The following COL14A1 variants were observed in gnomAD, a reference collection of about 807,000 sequenced individuals.
The protein encoded by COL14A1 is collagen type XIV alpha 1 chain, also known as collagen alpha-1(XIV) chain.
A neutral mutation model predicts 230.3 loss-of-function variants in COL14A1; 136 were observed. The observed-to-expected ratio is 0.59, with a 90% confidence interval of 0.51 to 0.68. The LOEUF (loss-of-function observed/expected upper bound fraction) is 0.68, where lower values mean the gene tolerates loss of function less well. Among genes scored for constraint, COL14A1 ranks in the 30% least tolerant of loss-of-function variants. The pLI is 0.00. For missense variants in COL14A1, 1,976 were observed against 2,215.8 expected, an observed-to-expected ratio of 0.89 and a Z score of 2.17; for synonymous variants, 792 against 784.1, an observed-to-expected ratio of 1.01 and a Z score of -0.17.
At chr8:120,145,745 T>C (rs1311852187) in intron 1 of COL14A1, among the ~76,000 whole-genome samples, 1 of 152,224 alleles carries the variant, frequency 6.6e-6, no homozygotes, top group East Asian at 1.9e-4. Context: ...ATTGTGGTGT[T>C]ATATGTATAA....
intron 1 of COL14A1, among the ~76,000 whole-genome samples, chr8:120,141,127 T>C (rs992629333): frequency 6.6e-6 from 1 of 152,146 alleles, no homozygotes; most frequent in African/African-American, 2.4e-5. Flanking sequence ...GCATTGGGAT[T>C]TTTCTTGCCC....
intron 5 of COL14A1, among the ~76,000 whole-genome samples, chr8:120,193,906 C>T (rs375512023): frequency 1.3e-4 from 20 of 152,260 alleles, no homozygotes; most frequent in African/African-American, 2.2e-4. Flanking sequence ...CTCGGAAAAG[C>T]GCAGTATTAG....
At chr8:120,233,463 G>A (rs1315058699) in intron 19 of COL14A1, among the ~76,000 whole-genome samples, 1 of 95,688 alleles carries the variant, frequency 1.0e-5, no homozygotes, top group Non-Finnish European at 2.0e-5. Flanking sequence ...TTGGTTGCCT[G>A]TTTCTTTTTT....
chr8:120,225,538 A>G (rs1250813086), intron 15 of COL14A1, among the ~76,000 whole-genome samples: 5 of 152,100 alleles, frequency 3.3e-5, no homozygotes, highest in African/African-American at 1.2e-4. Flanking sequence ...TTCCATTCAA[A>G]TGAGTGTGTG....
rs141836492 is a variant in COL14A1 at position 120,357,420 on chromosome 8, A to AAG, written c.5078-9742_5078-9741dup. On this transcript the variant is annotated intron_variant, in intron 45 of 47. Coordinates refer to ENST00000297848, the MANE Select transcript of COL14A1 (RefSeq NM_021110.4). ...CTGCTTTCCTCAGAGCCACTGATCC[A>AAG]AGAGAGAGAGCAGAGGAGTTCCCAT... is the stretch of plus-strand genomic sequence containing the variant. 9.4e-3 allele frequency among the ~76,000 whole-genome samples: 1,423 copies of AAG among 152,176 alleles called. 24 individuals carry two copies. Among genetic ancestry groups the AAG allele is most frequent in the African/African-American group, 0.031 (1,288 of 41,512 alleles).
chr8:120,231,686 G>T, intron 19 of COL14A1, 68 bp downstream of exon 19: 1 of 1,492,952 alleles, frequency 6.7e-7, no homozygotes. Flanking sequence ...GACTGTCTTC[G>T]GAGATCAATG....
chr8:120,165,069 G>A (rs993712174), intron 4 of COL14A1, among the ~76,000 whole-genome samples: 3 of 152,218 alleles, frequency 2.0e-5, no homozygotes, highest in African/African-American at 7.2e-5. Flanking sequence ...ATATGCAAGC[G>A]TGTATGTTTT....
chr8:120,228,583 C>T (rs1431031415), intron 17 of COL14A1, 127 bp from the exon 18 acceptor site: 1 of 686,850 alleles, frequency 1.5e-6, no homozygotes, highest in South Asian at 1.9e-5. Flanking sequence ...GTCTTCTAAC[C>T]ATTGTCATGT....
At position 120,253,804 on chromosome 8, in the gene COL14A1, A is replaced by C. The variant is rs866301367; in HGVS notation, c.2753-1436A>C. ...TCGGGTGTGGCGGCATGCACCTGTA[A>C]TCCCAGCTACTCAGGAGGCTGAGGC... On this transcript the variant is annotated intron_variant, in intron 22 of 47. Coordinates refer to ENST00000297848, the MANE Select transcript of COL14A1 (RefSeq NM_021110.4). Among the ~76,000 whole-genome samples the C allele has an allele frequency of 3.3e-5, 5 of 152,210 alleles. No individual in the cohort carries two copies. The Middle Eastern group carries it at 0.014, about 414-fold the overall frequency.
At position 120,270,048 on chromosome 8, in the gene COL14A1, C is replaced by G. The variant is rs200828037; in HGVS notation, c.3087C>G (p.Ala1029=). The change falls in exon 26 of 48, where the codon GCC becomes GCG. Residue 1029 remains alanine, a synonymous_variant. Transcript: ENST00000297848. The stretch of plus-strand genomic sequence containing the variant: ...GTTGGTCTTCAGTATGTAAGGCGGC[C>G]AAGGCTGACCTGGTATTTATGGTGG... ...IPPAKEVCKA[A]KADLVFMVDG... The G allele has an allele frequency of 6.2e-7, 1 of 1,611,064 alleles. No homozygotes were observed. The highest frequency in any genetic ancestry group is 8.5e-7 in the Non-Finnish European group (1 of 1,178,090).
rs1053790740 is a variant in COL14A1, at chr8:120,370,555, G to A, written c.5312-597G>A. ...CCCACTCTGCTCCAAACATGATGGA[G>A]TGATAACATCGGAACTTAACCAAAT... On this transcript the variant is annotated intron_variant, in intron 47 of 47. Transcript: ENST00000297848. 6 of 1,463,396 alleles carry A rather than the reference G, an allele frequency of 4.1e-6. No individual in the cohort carries two copies. In the Admixed American group the frequency reaches 7.6e-5, roughly 18 times the overall value. The allele number at this position is 1,463,396 out of a possible 1,614,324, so 90.7% of individuals were successfully genotyped here. A position where few individuals can be genotyped will look rare whatever the true frequency, so the allele number is the denominator to read the frequency against.
At chr8:120,316,124 G>A (rs926980538) in intron 40 of COL14A1, 127 bp downstream of exon 40, 14 of 808,828 alleles carry the variant, frequency 1.7e-5, no homozygotes, top group Admixed American at 4.4e-5. Context: ...TCCTGTTTAT[G>A]TATTTTCCAC....
intron 3 of COL14A1, among the ~76,000 whole-genome samples, chr8:120,161,002 T>G (rs1182385444): frequency 6.6e-6 from 1 of 152,178 alleles, no homozygotes; most frequent in African/African-American, 2.4e-5. Flanking sequence ...GAAACTTTTT[T>G]TTAGTGAAAC....
intron 7 of COL14A1, 36 bp downstream of exon 7, chr8:120,197,966 C>A (rs747380169): frequency 1.6e-5 from 25 of 1,600,600 alleles, no homozygotes; most frequent in Non-Finnish European, 3.4e-6. Flanking sequence ...AACAACATAT[C>A]TTTTTGAAGA....
intron 5 of COL14A1, among the ~76,000 whole-genome samples, chr8:120,187,771 C>CT (rs1816692841): frequency 6.6e-6 from 1 of 152,228 alleles, no homozygotes; most frequent in African/African-American, 2.4e-5. Context: ...GCTGTGGACA[C>CT]AGCAGGGGCA....
chr8:120,206,475 AAGT>A (rs1368310344), intron 9 of COL14A1, among the ~76,000 whole-genome samples: 1 of 152,062 alleles, frequency 6.6e-6, no homozygotes, highest in Non-Finnish European at 1.5e-5. Flanking sequence ...TCAGCCTCCA[AAGT>A]AGCTGGGATT....
chr8:120,365,957 A>G (rs1823395010), intron 45 of COL14A1, among the ~76,000 whole-genome samples: 1 of 152,206 alleles, frequency 6.6e-6, no homozygotes, highest in South Asian at 2.1e-4. Context: ...CATTACGGGG[A>G]GCACAAAAGA....
chr8:120,355,912 A>G (rs1019357629), intron 45 of COL14A1, among the ~76,000 whole-genome samples: 3 of 152,204 alleles, frequency 2.0e-5, no homozygotes, highest in Non-Finnish European at 4.4e-5. Context: ...TGCAGTGTTT[A>G]TGTAAGGTTT....
rs573074869 is a variant in COL14A1 at position 120,317,013 on chromosome 8, T to C, written c.4659+1016T>C. ...ATTTTGAACTTTAACATGAAGGCAA[T>C]AGGTAGTCATTAAATTTTCAGCAAG... On this transcript the variant is annotated intron_variant, in intron 40 of 47. Transcript: ENST00000297848. Among the ~76,000 whole-genome samples, 13 of 152,236 alleles carry C rather than the reference T, an allele frequency of 8.5e-5. No homozygotes were observed. The South Asian group carries it at 2.7e-3, about 32-fold the overall frequency.
Sources: allele counts gnomAD v4.1 joint callset (sites outside exome capture counted in the v4.1 genomes callset), GRCh38; gene constraint gnomAD v4.1.1; transcripts MANE v1.5; gene names NCBI Gene and HGNC (gene_info 2026-07-23, HGNC 2026-07-21).